Variants in UGGT2 observed in about 807,000 individuals in gnomAD.
The protein encoded by UGGT2 is UDP-glucose:glycoprotein glucosyltransferase 2.
UGGT2 carries 180 observed loss-of-function variants against 192.1 expected under a neutral mutation model. That is an observed-to-expected ratio of 0.94 (90% CI 0.83 to 1.06). The LOEUF (loss-of-function observed/expected upper bound fraction) is 1.06, where lower values mean the gene tolerates loss of function less well. Ranked by LOEUF, UGGT2 falls within the 50% of genes least tolerant of loss-of-function variation. The probability of loss-of-function intolerance (pLI) is 0.00; values close to 1 mark genes in which losing one functional copy is unlikely to be tolerated. For synonymous variants in UGGT2, 580 were observed against 591.0 expected, an observed-to-expected ratio of 0.98 and a Z score of 0.27; for missense variants, 1,849 against 1,795.7, an observed-to-expected ratio of 1.03 and a Z score of -0.54.
At chr13:96,052,798 G>C (rs896729641) in intron 1 of UGGT2, among the ~76,000 whole-genome samples, 17 of 152,210 alleles carry the variant, frequency 1.1e-4, no homozygotes, top group East Asian at 7.7e-4. Context: ...TCATCATTAC[G>C]AAACTAGGTA....
At chr13:95,859,447 T>C in intron 33 of UGGT2, 144 bp downstream of exon 33, 1 of 643,152 alleles carries the variant, frequency 1.6e-6, no homozygotes, top group Non-Finnish European at 2.6e-6. Context: ...TTGTACAGAA[T>C]TTTTCTTAAG....
intron 38 of UGGT2, chr13:95,832,684 A>G: frequency 1.7e-6 from 1 of 583,856 alleles, no homozygotes. Flanking sequence ...TCAGGAGACT[A>G]ATGTTACACT....
intron 2 of UGGT2, among the ~76,000 whole-genome samples, chr13:96,031,321 G>T (rs191377673): frequency 4.1e-4 from 62 of 151,706 alleles, no homozygotes; most frequent in Admixed American, 1.4e-3. Flanking sequence ...AATTTTTTTG[G>T]GGGGGGACAG....
At chr13:95,808,274 G>A (rs1594050100) in intron 38 of UGGT2, among the ~76,000 whole-genome samples, 1 of 152,204 alleles carries the variant, frequency 6.6e-6, no homozygotes, top group East Asian at 1.9e-4. Context: ...AAGGCTTGGG[G>A]GTTAGCAGCT....
chr13:95,888,041 A>G, intron 25 of UGGT2, 70 bp from the exon 26 acceptor site: 1 of 1,068,172 alleles, frequency 9.4e-7, no homozygotes, highest in Non-Finnish European at 1.4e-6. Context: ...TGTATTTACT[A>G]TGTACCAGGT....
intron 5 of UGGT2, among the ~76,000 whole-genome samples, chr13:96,012,707 T>C (rs2052200620): frequency 1.3e-5 from 2 of 151,530 alleles, no homozygotes; most frequent in African/African-American, 4.8e-5. Flanking sequence ...TAACAAAGCA[T>C]AGTCCTTCCT....
chr13:95,840,359 A>C (rs1218764472), intron 36 of UGGT2, among the ~76,000 whole-genome samples: 1 of 152,188 alleles, frequency 6.6e-6, no homozygotes, highest in Non-Finnish European at 1.5e-5. Flanking sequence ...GAAAAAAAAC[A>C]ACCCCATCAA....
At chr13:95,946,875 C>G (rs1174120718) in intron 15 of UGGT2, among the ~76,000 whole-genome samples, 162 bp downstream of exon 15, 1 of 152,118 alleles carries the variant, frequency 6.6e-6, no homozygotes, top group Non-Finnish European at 1.5e-5. Context: ...AAGGGAGTTA[C>G]AGAAAACAAA....
intron 34 of UGGT2, among the ~76,000 whole-genome samples, chr13:95,855,095 G>A (rs535479664): frequency 8.6e-6 from 1 of 116,420 alleles, no homozygotes; most frequent in South Asian, 3.1e-4. Context: ...AACACAGTGA[G>A]ACCCTGTCTG....
At chr13:95,931,355 T>G (rs1176948496) in intron 17 of UGGT2, among the ~76,000 whole-genome samples, 2 of 152,174 alleles carry the variant, frequency 1.3e-5, no homozygotes, top group African/African-American at 4.8e-5. Context: ...CCCACTAGAC[T>G]CTGGAGCCCA....
chr13:95,928,146 G>T (rs961513282), intron 17 of UGGT2, among the ~76,000 whole-genome samples: 2 of 152,278 alleles, frequency 1.3e-5, no homozygotes, highest in East Asian at 3.9e-4. Flanking sequence ...AACCGCCATC[G>T]TCATCATGGC....
intron 5 of UGGT2, among the ~76,000 whole-genome samples, chr13:96,007,117 C>T (rs2052005328): frequency 6.6e-6 from 1 of 152,114 alleles, no homozygotes; most frequent in Non-Finnish European, 1.5e-5. Context: ...AGATTCATCC[C>T]AGGGATACAG....
At chr13:95,933,700 G>C (rs1240815167) in intron 17 of UGGT2, among the ~76,000 whole-genome samples, 1 of 151,568 alleles carries the variant, frequency 6.6e-6, no homozygotes, top group Non-Finnish European at 1.5e-5. Flanking sequence ...TTTTTGTTTT[G>C]AGACGAAGTC....
At chr13:95,802,615 C>A (rs1378979376) in intron 38 of UGGT2, among the ~76,000 whole-genome samples, 1 of 152,190 alleles carries the variant, frequency 6.6e-6, no homozygotes, top group Non-Finnish European at 1.5e-5. Context: ...CCAGGATACA[C>A]CGCTGAAACG....
intron 17 of UGGT2, 122 bp from the exon 18 acceptor site, chr13:95,927,458 T>A: frequency 1.5e-5 from 11 of 738,794 alleles, no homozygotes; most frequent in South Asian, 2.6e-5. Flanking sequence ...ATTATTACAA[T>A]ACATTTTCTT....
At chr13:95,865,275 C>T (rs1890548648) in intron 30 of UGGT2, among the ~76,000 whole-genome samples, 1 of 152,138 alleles carries the variant, frequency 6.6e-6, no homozygotes, top group Non-Finnish European at 1.5e-5. Flanking sequence ...TATCTTTTCT[C>T]CTCCCTGTTT....
In UGGT2 at chr13:96,052,308, G is replaced by A. The variant is rs1371001753; in HGVS notation, c.158+847C>T. ...TAAGATTGACACAATGGACTTCGGGGACTCGGGGGAAAGGTTGAGAAGGGA... is the reference window on the plus strand; with the variant it reads ...TAAGATTGACACAATGGACTTCGGGAACTCGGGGGAAAGGTTGAGAAGGGA... On this transcript the variant is annotated intron_variant, in intron 1 of 38. Coordinates refer to ENST00000376747, the MANE Select transcript of UGGT2 (RefSeq NM_020121.4). Among the ~76,000 whole-genome samples the A allele has an allele frequency of 3.3e-5, 5 of 152,208 alleles. No individual in the cohort carries two copies. The South Asian group carries it at 8.3e-4, about 25-fold the overall frequency.
chr13:95,877,595 C>A, intron 28 of UGGT2, 103 bp downstream of exon 28: 1 of 1,335,452 alleles, frequency 7.5e-7, no homozygotes. Flanking sequence ...TTTCTGCAAA[C>A]TGTTCAGCAA....
In UGGT2 at chr13:95,816,952, C is replaced by T. The variant is rs765728776; in HGVS notation, c.4529-15140G>A. ...GACCAGCCTGGCCAACATGGCGAAA[C>T]CCCCTCTCTACTAAAAATACAAAAA... is the stretch of plus-strand genomic sequence containing the variant. On this transcript the variant is annotated intron_variant, in intron 38 of 38. Coordinates refer to ENST00000376747, the MANE Select transcript of UGGT2 (RefSeq NM_020121.4). Among the ~76,000 whole-genome samples the T allele has an allele frequency of 7.2e-5, 11 of 152,030 alleles. 1 individual carries two copies. Among genetic ancestry groups the T allele is most frequent in the Non-Finnish European group, 5.9e-5 (4 of 68,010 alleles).
Sources: allele counts gnomAD v4.1 joint callset (sites outside exome capture counted in the v4.1 genomes callset), GRCh38; gene constraint gnomAD v4.1.1; transcripts MANE v1.5; gene names NCBI Gene and HGNC (gene_info 2026-07-23, HGNC 2026-07-21).